The following RSRC1 variants were observed in gnomAD, a reference collection of about 807,000 sequenced individuals.
RSRC1 encodes the protein arginine and serine rich coiled-coil 1, also known as serine/Arginine-related protein 53.
Under a neutral mutation model 49.1 loss-of-function variants are expected in RSRC1, and 39 were observed. The ratio of observed to expected loss-of-function variants is 0.79; its 90% CI spans 0.61 to 1.04. RSRC1 has a LOEUF of 1.04. Among genes scored for constraint, RSRC1 ranks in the 50% least tolerant of loss-of-function variants. RSRC1 has a pLI of 0.00. For missense variants in RSRC1, 388 were observed against 402.4 expected, an observed-to-expected ratio of 0.96 and a Z score of 0.31; for synonymous variants, 143 against 130.8, an observed-to-expected ratio of 1.09 and a Z score of -0.63.
intron 4 of RSRC1, among the ~76,000 whole-genome samples, chr3:158,207,637 TTAGATAGA>T (rs1553769118): frequency 9.2e-4 from 135 of 147,130 alleles, no homozygotes; most frequent in Admixed American, 2.3e-3. Flanking sequence ...GTAACAGTAT[TTAGATAGA>T]TAGATAGATA....
At chr3:158,227,795 T>C (rs1342603163) in intron 4 of RSRC1, among the ~76,000 whole-genome samples, 1 of 152,094 alleles carries the variant, frequency 6.6e-6, no homozygotes, top group East Asian at 1.9e-4. Flanking sequence ...CTGTTACCAC[T>C]ACTTAACTCT....
intron 3 of RSRC1, among the ~76,000 whole-genome samples, chr3:158,178,692 A>G (rs1265082044): frequency 6.6e-6 from 1 of 152,100 alleles, no homozygotes; most frequent in East Asian, 1.9e-4. Context: ...TGTAGACATG[A>G]TCATTGGAAT....
chr3:158,353,261 T>G (rs1730974597), intron 5 of RSRC1, among the ~76,000 whole-genome samples: 1 of 152,196 alleles, frequency 6.6e-6, no homozygotes, highest in African/African-American at 2.4e-5. Context: ...AAAATATTGC[T>G]AGAGTGATGT....
At chr3:158,229,392 AT>A (rs1481277313) in intron 4 of RSRC1, among the ~76,000 whole-genome samples, 1 of 120,264 alleles carries the variant, frequency 8.3e-6, no homozygotes, top group Non-Finnish European at 1.9e-5. Context: ...ATGTGTATAT[AT>A]ATACACATAC....
At position 158,239,653 on chromosome 3, in the gene RSRC1, A is replaced by G. The variant is rs545289419; in HGVS notation, c.494+36408A>G. On this transcript the variant is annotated intron_variant, in intron 4 of 9. Transcript: ENST00000611884. ...ATGAGTTAATGGGTACAGCAAACCA[A>G]CATGGCACATGTATGCCTGTGTAAC... 3.3e-5 allele frequency among the ~76,000 whole-genome samples: 5 copies of G among 152,232 alleles called. No homozygotes were observed. In the East Asian group the frequency reaches 9.7e-4, roughly 29 times the overall value.
chr3:158,362,214 C>A (rs1731515157), intron 6 of RSRC1, among the ~76,000 whole-genome samples: 2 of 152,156 alleles, frequency 1.3e-5, no homozygotes, highest in Non-Finnish European at 2.9e-5. Context: ...GTGGCACATG[C>A]TTCTGGTCCT....
intron 4 of RSRC1, among the ~76,000 whole-genome samples, chr3:158,260,653 T>G (rs1424017199): frequency 1.3e-5 from 2 of 152,318 alleles, no homozygotes; most frequent in African/African-American, 4.8e-5. Context: ...TTACAGTTCT[T>G]GTGGCCTAGA....
At chr3:158,255,578 G>C (rs1378791932) in intron 4 of RSRC1, among the ~76,000 whole-genome samples, 1 of 152,182 alleles carries the variant, frequency 6.6e-6, no homozygotes, top group Non-Finnish European at 1.5e-5. Context: ...GGACTTAAAG[G>C]TAGTTTTTTC....
At chr3:158,504,535 C>T (rs1382295230) in intron 7 of RSRC1, among the ~76,000 whole-genome samples, 2 of 152,158 alleles carry the variant, frequency 1.3e-5, no homozygotes, top group East Asian at 1.9e-4. Context: ...AATTGTATGA[C>T]CTAGATTTAC....
intron 6 of RSRC1, among the ~76,000 whole-genome samples, chr3:158,458,436 C>T (rs910473564): frequency 1.3e-5 from 2 of 151,694 alleles, no homozygotes; most frequent in African/African-American, 2.4e-5. Context: ...TGGCAAAAAC[C>T]GCAATTACTT....
intron 4 of RSRC1, among the ~76,000 whole-genome samples, chr3:158,290,732 C>T (rs1410026956): frequency 4.6e-5 from 7 of 152,046 alleles, no homozygotes; most frequent in Admixed American, 1.3e-4. Flanking sequence ...CTTTTATAAG[C>T]GTTCAGTGAC....
chr3:158,202,951 TA>T, intron 3 of RSRC1, 120 bp from the exon 4 acceptor site: 1 of 658,110 alleles, frequency 1.5e-6, no homozygotes, highest in East Asian at 2.9e-5. Context: ...TTCACGTGGT[TA>T]TTTATTTCTG....
At chr3:158,278,534 T>C (rs1370214507) in intron 4 of RSRC1, among the ~76,000 whole-genome samples, 1 of 152,222 alleles carries the variant, frequency 6.6e-6, no homozygotes, top group African/African-American at 2.4e-5. Flanking sequence ...AATAAACAAC[T>C]GAGCAGTATC....
At chr3:158,179,590 T>C (rs1719461928) in intron 3 of RSRC1, among the ~76,000 whole-genome samples, 1 of 152,236 alleles carries the variant, frequency 6.6e-6, no homozygotes, top group Non-Finnish European at 1.5e-5. Context: ...GTTCTTCTTA[T>C]TGCTAAGTAG....
At chr3:158,175,040 G>A (rs921777560) in intron 3 of RSRC1, among the ~76,000 whole-genome samples, 3 of 151,902 alleles carry the variant, frequency 2.0e-5, no homozygotes, top group Non-Finnish European at 4.4e-5. Flanking sequence ...CTATCCCTTT[G>A]GGTTTTAATT....
intron 6 of RSRC1, among the ~76,000 whole-genome samples, chr3:158,355,679 A>G (rs537350762): frequency 2.3e-4 from 35 of 152,126 alleles, no homozygotes; most frequent in African/African-American, 8.4e-4. Flanking sequence ...TATAAGATCT[A>G]TATTTTCTGA....
chr3:158,333,418 A>G (rs1393778638), intron 5 of RSRC1, among the ~76,000 whole-genome samples: 1 of 152,214 alleles, frequency 6.6e-6, no homozygotes, highest in Non-Finnish European at 1.5e-5. Context: ...TTCCATCTAG[A>G]AAAATCTCTC....
At chr3:158,314,305 C>T (rs1374662939) in intron 5 of RSRC1, among the ~76,000 whole-genome samples, 1 of 152,078 alleles carries the variant, frequency 6.6e-6, no homozygotes, top group Non-Finnish European at 1.5e-5. Context: ...GTTGGCCAGG[C>T]TGGTCTCGAA....
intron 4 of RSRC1, among the ~76,000 whole-genome samples, chr3:158,294,854 A>G (rs1029086201): frequency 1.7e-4 from 26 of 152,138 alleles, no homozygotes; most frequent in African/African-American, 6.3e-4. Context: ...GGTTGGAGAT[A>G]GAGTGGGGCT....
Sources: allele counts gnomAD v4.1 joint callset (sites outside exome capture counted in the v4.1 genomes callset), GRCh38; gene constraint gnomAD v4.1.1; transcripts MANE v1.5; gene names NCBI Gene and HGNC (gene_info 2026-07-23, HGNC 2026-07-21).